ABTB3: variants seen among roughly 807,000 people sequenced by gnomAD.
The protein encoded by ABTB3 is ankyrin repeat and BTB domain containing 3, also known as ankyrin repeat- and BTB/POZ domain-containing protein 3.
the ABTB3 span, among the ~76,000 whole-genome samples, chr12:107,484,509 C>G: frequency 6.6e-6 from 1 of 151,972 alleles, no homozygotes; most frequent in African/African-American, 2.4e-5. Context: ...GTGAATGGGT[C>G]CCTTGCAGGC....
the ABTB3 span, among the ~76,000 whole-genome samples, chr12:107,572,844 C>T: frequency 9.1e-4 from 138 of 152,256 alleles, no homozygotes; most frequent in African/African-American, 2.9e-3. Flanking sequence ...ATTATTTTTG[C>T]TCGCTCTGCC....
At chr12:107,469,880 T>TTCTTTCTTTCTTTC in the ABTB3 span, among the ~76,000 whole-genome samples, 1 of 96,220 alleles carries the variant, frequency 1.0e-5, no homozygotes, top group Admixed American at 9.8e-5. Flanking sequence ...CTTTCTTTCT[T>TTCTTTCTTTCTTTC]TCTTTCTTTC....
chr12:107,579,452 C>T, the ABTB3 span, among the ~76,000 whole-genome samples: 3 of 152,200 alleles, frequency 2.0e-5, no homozygotes, highest in South Asian at 6.2e-4. Context: ...ACATCATTCT[C>T]CTGATCAATG....
At chr12:107,502,668 G>A in the ABTB3 span, among the ~76,000 whole-genome samples, 1 of 152,090 alleles carries the variant, frequency 6.6e-6, no homozygotes, top group African/African-American at 2.4e-5. Context: ...GGTGAGCAGC[G>A]GGCGAGCGAG....
the ABTB3 span, among the ~76,000 whole-genome samples, chr12:107,414,144 T>A: frequency 6.6e-6 from 1 of 152,164 alleles, no homozygotes. Context: ...GAATTTATTT[T>A]TAGACTGATT....
chr12:107,408,513 G>T, the ABTB3 span, among the ~76,000 whole-genome samples: 2 of 152,188 alleles, frequency 1.3e-5, no homozygotes, highest in Non-Finnish European at 2.9e-5. Context: ...GATTTAGGGA[G>T]AGTTAGGAAT....
chr12:107,492,873 G>T, the ABTB3 span, among the ~76,000 whole-genome samples: 3 of 152,140 alleles, frequency 2.0e-5, no homozygotes, highest in Non-Finnish European at 4.4e-5. Flanking sequence ...TGCCTTCCCA[G>T]AGATAAACTG....
the ABTB3 span, among the ~76,000 whole-genome samples, chr12:107,402,735 C>T: frequency 1.3e-5 from 2 of 152,334 alleles, no homozygotes; most frequent in African/African-American, 4.8e-5. Context: ...TGCCAGCTCT[C>T]CTCACCTGAA....
chr12:107,649,948 G>A, the ABTB3 span: 1 of 152,196 alleles, frequency 6.6e-6, no homozygotes, highest in Non-Finnish European at 1.5e-5. Flanking sequence ...GCCAAAAGTG[G>A]AAATCTTGTT....
the ABTB3 span, among the ~76,000 whole-genome samples, chr12:107,495,323 G>A: frequency 1.4e-4 from 22 of 152,336 alleles, no homozygotes; most frequent in South Asian, 2.1e-4. Flanking sequence ...TCCCGCGTTC[G>A]TGTGCTCTGC....
the ABTB3 span, among the ~76,000 whole-genome samples, chr12:107,644,960 T>C: frequency 6.9e-6 from 1 of 144,894 alleles, no homozygotes; most frequent in Non-Finnish European, 1.5e-5. Context: ...ATATGCACCA[T>C]GTCAAAATTC....
the ABTB3 span, among the ~76,000 whole-genome samples, chr12:107,536,694 A>G: frequency 6.6e-6 from 1 of 152,170 alleles, no homozygotes; most frequent in African/African-American, 2.4e-5. Flanking sequence ...ATCTCACCCC[A>G]GTTAGAGTGG....
the ABTB3 span, among the ~76,000 whole-genome samples, chr12:107,608,181 G>A: frequency 2.0e-5 from 3 of 152,118 alleles, no homozygotes; most frequent in Admixed American, 6.5e-5. Context: ...CAGAGTCCAC[G>A]CCCTCTGCTC....
At chr12:107,421,273 C>A in the ABTB3 span, among the ~76,000 whole-genome samples, 35 of 152,254 alleles carry the variant, frequency 2.3e-4, no homozygotes, top group Middle Eastern at 3.4e-3. Flanking sequence ...CTCCAAATTG[C>A]ATGAGGTAAA....
At chr12:107,415,581 G>GCCT in the ABTB3 span, among the ~76,000 whole-genome samples, 69 of 151,936 alleles carry the variant, frequency 4.5e-4, no homozygotes, top group Admixed American at 2.1e-3. Context: ...GGTGGCAGGT[G>GCCT]CCTGTAGTCC....
At chr12:107,471,243 T>C in the ABTB3 span, among the ~76,000 whole-genome samples, 1 of 152,112 alleles carries the variant, frequency 6.6e-6, no homozygotes, top group Non-Finnish European at 1.5e-5. Flanking sequence ...ATTTTACAGA[T>C]GAGGAAACCA....
chr12:107,593,425 G>A, the ABTB3 span, among the ~76,000 whole-genome samples: 1 of 152,142 alleles, frequency 6.6e-6, no homozygotes, highest in Non-Finnish European at 1.5e-5. Context: ...TAACACTTGG[G>A]AATTTGGTTT....
At chr12:107,519,392 G>A in the ABTB3 span, among the ~76,000 whole-genome samples, 25 of 143,400 alleles carry the variant, frequency 1.7e-4, no homozygotes, top group African/African-American at 5.7e-4. Context: ...GCACAATCTC[G>A]GCTCATCACA....
At chr12:107,501,342 G>A in the ABTB3 span, among the ~76,000 whole-genome samples, 1 of 151,876 alleles carries the variant, frequency 6.6e-6, no homozygotes, top group South Asian at 2.1e-4. Context: ...TGGAGGAAGT[G>A]GCATTCAAGT....
Sources: allele counts gnomAD v4.1 joint callset (sites outside exome capture counted in the v4.1 genomes callset), GRCh38; gene constraint gnomAD v4.1.1; transcripts MANE v1.5; gene names NCBI Gene and HGNC (gene_info 2026-07-23, HGNC 2026-07-21).